The following TIAM2 variants were observed in gnomAD, a reference collection of about 807,000 sequenced individuals.
The protein encoded by TIAM2 is rho guanine nucleotide exchange factor TIAM2.
TIAM2 carries 80 observed loss-of-function variants against 152.9 expected under a neutral mutation model. The observed-to-expected ratio is 0.52, with a 90% CI of 0.44 to 0.63. TIAM2 has a LOEUF of 0.63. TIAM2 is among the 30% of genes least tolerant of loss of function. The pLI is 0.00. For synonymous variants in TIAM2, 804 were observed against 838.0 expected, an observed-to-expected ratio of 0.96 and a Z score of 0.70; for missense variants, 1,965 against 2,120.1, an observed-to-expected ratio of 0.93 and a Z score of 1.44.
In TIAM2 at chr6:155,148,221, C is replaced by G; in HGVS notation, c.1915C>G (p.Gln639Glu). The change falls in exon 7 of 27, where the codon CAG (glutamine) becomes GAG (glutamate). Residue 639 changes from glutamine (Q) to glutamate (E), a missense_variant. Around this residue, in one of 3 missense-constraint regions of TIAM2, gnomAD observed 1,025 missense variants for 1,119.4 expected, o/e 0.92. Coordinates refer to ENST00000682666, the MANE Select transcript of TIAM2 (RefSeq NM_012454.4). The stretch of plus-strand genomic sequence containing the variant: ...GGACACGCTGCGGCTGCTGAAGAAC[C>G]AGACCAAAAACCTGCTTCAGAAGAT... The part of the protein sequence containing the change: ...KEDTLRLLKN[Q>E]TKNLLQKIDM... 1 of 1,613,092 alleles carries G rather than the reference C, an allele frequency of 6.2e-7. No homozygotes were observed. Among genetic ancestry groups the G allele is most frequent in the Non-Finnish European group, 8.5e-7 (1 of 1,180,012 alleles).
chr6:155,203,764 T>C (rs1781535473), intron 14 of TIAM2, among the ~76,000 whole-genome samples: 1 of 152,228 alleles, frequency 6.6e-6, no homozygotes, highest in Non-Finnish European at 1.5e-5. Flanking sequence ...TTCATTGTTA[T>C]TTGGCTGCTA....
At chr6:155,159,027 AAC>A (rs1780196308) in intron 7 of TIAM2, among the ~76,000 whole-genome samples, 1 of 152,046 alleles carries the variant, frequency 6.6e-6, no homozygotes, top group Non-Finnish European at 1.5e-5. Flanking sequence ...TGAATCTCTA[AAC>A]TAACATACAT....
chr6:155,150,247 G>A (rs1382025226), intron 7 of TIAM2, among the ~76,000 whole-genome samples: 2 of 152,062 alleles, frequency 1.3e-5, no homozygotes, highest in Non-Finnish European at 2.9e-5. Context: ...TATGGACCCC[G>A]TTTCTAAGAA....
At chr6:155,164,346 A>T in intron 7 of TIAM2, 69 bp from the exon 8 acceptor site, 1 of 1,426,014 alleles carries the variant, frequency 7.0e-7, no homozygotes, top group South Asian at 1.4e-5. Flanking sequence ...TGTGAAAGGG[A>T]TCACATTTTC....
chr6:155,048,045 T>A (rs1173807506), intron 1 of TIAM2, among the ~76,000 whole-genome samples: 1 of 152,072 alleles, frequency 6.6e-6, no homozygotes, highest in Non-Finnish European at 1.5e-5. Flanking sequence ...CTCTACTTCC[T>A]GGGTTCAAGT....
intron 15 of TIAM2, among the ~76,000 whole-genome samples, chr6:155,225,598 C>T (rs769996654): frequency 5.3e-5 from 8 of 152,210 alleles, no homozygotes; most frequent in Non-Finnish European, 1.0e-4. Flanking sequence ...GCTCTTCTCA[C>T]CACCAGGGAT....
Position 155,170,050 on chromosome 6 carries a change from G to A in TIAM2, c.2361+4641G>A, listed in dbSNP as rs190441168. On this transcript the variant is annotated intron_variant, in intron 9 of 26. Coordinates refer to ENST00000682666, the MANE Select transcript of TIAM2 (RefSeq NM_012454.4). The stretch of plus-strand genomic sequence containing the variant: ...GCCAGGCTGGTCTTGAACTCCTGAC[G>A]TCGCGATCCACCCACCTCAGTCTCC... Among the ~76,000 whole-genome samples, 234 of 151,938 alleles carry A rather than the reference G, an allele frequency of 1.5e-3. 2 individuals are homozygous for A. Among genetic ancestry groups the A allele is most frequent in the Non-Finnish European group, 2.4e-3 (164 of 67,930 alleles).
chr6:155,187,175 C>T (rs537590273), intron 14 of TIAM2, among the ~76,000 whole-genome samples: 1 of 152,248 alleles, frequency 6.6e-6, no homozygotes, highest in South Asian at 2.1e-4. Context: ...ACAAGCTACA[C>T]AGAGTTCAGG....
chr6:155,220,211 C>T (rs776495992), intron 15 of TIAM2, among the ~76,000 whole-genome samples: 3 of 152,242 alleles, frequency 2.0e-5, no homozygotes, highest in Non-Finnish European at 4.4e-5. Context: ...CTGATGAGTC[C>T]TCAGCTGGCT....
intron 2 of TIAM2, among the ~76,000 whole-genome samples, chr6:155,118,832 A>C (rs1164138523): frequency 6.7e-6 from 1 of 150,208 alleles, no homozygotes; most frequent in Non-Finnish European, 1.5e-5. Context: ...CTTTCCTACC[A>C]AGAAGTTGAA....
rs1014566817 is a variant in TIAM2 at position 155,130,387 on chromosome 6, A to T, written c.1164A>T (p.Gly388=). 33 of 1,613,842 alleles carry T rather than the reference A, an allele frequency of 2.0e-5. No individual in the cohort carries two copies. Among genetic ancestry groups the T allele is most frequent in the Non-Finnish European group, 2.6e-5 (31 of 1,179,984 alleles). The change falls in exon 4 of 27, where the codon GGA becomes GGT. Residue 388 remains glycine (G), a synonymous_variant. Transcript: ENST00000682666. ...ARMRRISDWT[G]SLSRKKRKLQ... Reference sequence around the variant, plus strand: ...TGCGACGGATCAGTGACTGGACGGGAAGCCTCTCAAGGAAGAAAAGGAAAC... The same window carrying T: ...TGCGACGGATCAGTGACTGGACGGGTAGCCTCTCAAGGAAGAAAAGGAAAC...
rs1438683845 is a variant in TIAM2, at chr6:155,104,038, A to AC, written c.-118+13660dup. ...TCTTCTGTATTTACCTCACACACAC[A>AC]CACCCCCCCCCCCACACCCCCACAC... On this transcript the variant is annotated intron_variant, in intron 2 of 26. Coordinates refer to ENST00000682666, the MANE Select transcript of TIAM2 (RefSeq NM_012454.4). Among the ~76,000 whole-genome samples the AC allele has an allele frequency of 1.2e-3, 93 of 79,908 alleles. 3 individuals are homozygous for AC. The highest frequency in any genetic ancestry group is 1.6e-3 in the Non-Finnish European group (72 of 44,340). The allele number at this position is 79,908 out of a possible 152,430, so 52.4% of individuals were successfully genotyped here. A position where few individuals can be genotyped will look rare whatever the true frequency, so the allele number is the denominator to read the frequency against.
At chr6:155,077,180 A>AT (rs773101084) in intron 1 of TIAM2, among the ~76,000 whole-genome samples, 10,101 of 144,798 alleles carry the variant, frequency 0.07, 559 homozygotes, top group Admixed American at 0.16. Context: ...GTGATAAGTA[A>AT]TTTTTTTTTT....
At position 155,106,811 on chromosome 6, in the gene TIAM2, C is replaced by T. The variant is rs148561719; in HGVS notation, c.-118+16432C>T. On this transcript the variant is annotated intron_variant, in intron 2 of 26. Transcript: ENST00000682666. ...GGCCCAACAACAGCCCAGTCATGGG[C>T]GAGCCTGGCCTCTCCGAGGCATGAT... is the stretch of plus-strand genomic sequence containing the variant. Among the ~76,000 whole-genome samples the T allele has an allele frequency of 2.2e-4, 34 of 152,350 alleles. No homozygotes were observed. The East Asian group carries it at 5.4e-3, about 24-fold the overall frequency.
intron 1 of TIAM2, among the ~76,000 whole-genome samples, chr6:155,057,407 T>C (rs1172200440): frequency 1.3e-5 from 2 of 152,080 alleles, no homozygotes; most frequent in Non-Finnish European, 2.9e-5. Context: ...GTGCCATTGT[T>C]ATCACGTGAT....
intron 1 of TIAM2, among the ~76,000 whole-genome samples, chr6:154,999,071 A>G (rs1778268614): frequency 6.6e-6 from 1 of 152,150 alleles, no homozygotes; most frequent in Non-Finnish European, 1.5e-5. Flanking sequence ...AAATGATGCA[A>G]AGTCCATTTG....
At position 155,011,168 on chromosome 6, in the gene TIAM2, A is replaced by G. The variant is rs139751181; in HGVS notation, c.-209+15676A>G. Among the ~76,000 whole-genome samples the G allele has an allele frequency of 2.1e-3, 316 of 152,302 alleles. 1 individual carries two copies. The highest frequency in any genetic ancestry group is 3.0e-3 in the Non-Finnish European group (207 of 68,018). On this transcript the variant is annotated intron_variant, in intron 1 of 26. Transcript: ENST00000682666. ...ACCAAGCCAAACCAAAGGGATTCTT[A>G]GGATATTTCAGGCGGTTATGCAATT...
intron 1 of TIAM2, among the ~76,000 whole-genome samples, chr6:154,997,739 C>T (rs2114831303): frequency 7.1e-6 from 1 of 141,548 alleles, no homozygotes; most frequent in South Asian, 2.4e-4. Flanking sequence ...CTCCCCAGCT[C>T]AATTGATCTT....
intron 2 of TIAM2, among the ~76,000 whole-genome samples, chr6:155,112,698 ACTC>A (rs1026608945): frequency 1.2e-4 from 18 of 151,884 alleles, no homozygotes; most frequent in African/African-American, 3.4e-4. Flanking sequence ...CCAAAACTGA[ACTC>A]CTCATCTTGC....
Sources: gnomAD v4.1 joint callset for allele counts (sites outside exome capture counted in the v4.1 genomes callset) on GRCh38, gnomAD v4.1.1 for gene constraint, gnomAD v4.1.1 regional missense constraint, MANE v1.5 for transcripts, NCBI Gene and HGNC (gene_info 2026-07-23, HGNC 2026-07-21) for gene names.